Variants in LCORL observed in about 807,000 individuals in gnomAD.
The protein encoded by LCORL is ligand-dependent nuclear receptor corepressor-like protein.
In LCORL, 41 loss-of-function variants were observed where a neutral mutation model predicts 141.8. The ratio of observed to expected loss-of-function variants is 0.29; its 90% CI spans 0.23 to 0.38. LCORL has a LOEUF of 0.38. Among genes scored for constraint, LCORL ranks in the 10% least tolerant of loss-of-function variants. LCORL has a pLI of 1.00. For missense variants in LCORL, 1,759 were observed against 2,035.0 expected, an observed-to-expected ratio of 0.86 and a Z score of 2.61; for synonymous variants, 618 against 694.1, an observed-to-expected ratio of 0.89 and a Z score of 1.72.
chr4:18,007,059 C>A (rs1722940151), intron 1 of LCORL, among the ~76,000 whole-genome samples: 1 of 152,120 alleles, frequency 6.6e-6, no homozygotes, highest in Admixed American at 6.5e-5. Flanking sequence ...TCCACTACTA[C>A]CCTCAAAACT....
intron 1 of LCORL, among the ~76,000 whole-genome samples, chr4:18,019,541 A>G (rs980913917): frequency 2.0e-5 from 3 of 152,252 alleles, no homozygotes; most frequent in Non-Finnish European, 4.4e-5. Flanking sequence ...TGAATATACA[A>G]GTAGGTAAGG....
At chr4:17,845,780 T>C (rs761259255) in exon 8 of LCORL, 1 of 1,613,680 alleles carries the variant, frequency 6.2e-7, no homozygotes, top group Non-Finnish European at 8.5e-7. Context: ...AGAGATGCTG[T>C]TGTCAAATTC....
intron 2 of LCORL, among the ~76,000 whole-genome samples, chr4:17,970,368 A>T (rs994469115): frequency 1.3e-5 from 2 of 152,236 alleles, no homozygotes; most frequent in Non-Finnish European, 2.9e-5. Flanking sequence ...TTTATGTGGT[A>T]TTGCAATTAC....
rs138491225 is a variant in LCORL at position 17,900,247 on chromosome 4, C to T, written c.682+8847G>A. ...AAAATCCAGCTTATATATACTGTAACAATTTTATTTCTTCACATTCTATAA... is the reference window on the plus strand; with the variant it reads ...AAAATCCAGCTTATATATACTGTAATAATTTTATTTCTTCACATTCTATAA... On this transcript the variant is annotated intron_variant, in intron 5 of 7. Transcript: ENST00000635767. Among the ~76,000 whole-genome samples, 84 of 152,192 alleles carry T rather than the reference C, an allele frequency of 5.5e-4. No individual in the cohort carries two copies. In the East Asian group the frequency reaches 0.015, roughly 28 times the overall value.
chr4:17,904,159 ATC>A (rs779438676), intron 5 of LCORL, among the ~76,000 whole-genome samples: 8 of 152,068 alleles, frequency 5.3e-5, no homozygotes, highest in Non-Finnish European at 1.2e-4. Context: ...CTGAATTACC[ATC>A]TCTTATAATA....
At chr4:17,883,799 A>G (rs376910780) in intron 6 of LCORL, 14 of 1,550,472 alleles carry the variant, frequency 9.0e-6, no homozygotes, top group Non-Finnish European at 1.1e-5. Context: ...TGGTAATCGT[A>G]GTTTCTTCTT....
At position 17,876,187 on chromosome 4, in the gene LCORL, TC is replaced by T; in HGVS notation, c.2802del (p.Ile935PhefsTer44). ...GCTGGTACATTTTCAACACTGGAAA[TC>T]AAGCGACCCATATCTAAAATAGATG... On this transcript the variant is annotated frameshift_variant, in exon 7 of 8. Coordinates refer to ENST00000635767, the Ensembl canonical transcript of LCORL. LOFTEE classifies it high-confidence loss of function. 8.1e-7 allele frequency: 1 copy of T among 1,231,044 alleles called. No homozygotes were observed. Among genetic ancestry groups the T allele is most frequent in the Non-Finnish European group, 1.0e-6 (1 of 987,178 alleles). 76.3% of individuals were successfully genotyped at this position (1,231,044 alleles called of 1,614,324 possible).
intron 7 of LCORL, among the ~76,000 whole-genome samples, chr4:17,856,905 C>T (rs1014654712): frequency 7.2e-5 from 11 of 152,190 alleles, no homozygotes; most frequent in African/African-American, 2.7e-4. Context: ...ATTTCATTAA[C>T]ACAATTTATC....
At chr4:17,911,628 T>C in intron 4 of LCORL, 1 of 417,762 alleles carries the variant, frequency 2.4e-6, no homozygotes, top group South Asian at 2.1e-5. Context: ...AACTTGGTCG[T>C]TGGCAAAGTC....
chr4:17,976,359 A>C (rs1716968194), intron 1 of LCORL, among the ~76,000 whole-genome samples: 1 of 152,158 alleles, frequency 6.6e-6, no homozygotes. Flanking sequence ...ACATTATTTT[A>C]AGTTAAATGA....
intron 5 of LCORL, among the ~76,000 whole-genome samples, chr4:17,891,477 C>T (rs983573345): frequency 4.6e-5 from 7 of 151,684 alleles, no homozygotes; most frequent in African/African-American, 1.2e-4. Context: ...AAAGATATAC[C>T]GTAGATTGTA....
chr4:18,000,384 G>T (rs1165897934), intron 1 of LCORL, among the ~76,000 whole-genome samples: 1 of 152,084 alleles, frequency 6.6e-6, no homozygotes, highest in Non-Finnish European at 1.5e-5. Flanking sequence ...AACTTGGAGA[G>T]GCTAAGAAAG....
chr4:18,015,730 G>A (rs906811369), intron 1 of LCORL, among the ~76,000 whole-genome samples: 1 of 151,752 alleles, frequency 6.6e-6, no homozygotes, highest in Non-Finnish European at 1.5e-5. Flanking sequence ...ACAAGATGAG[G>A]GAGAAGTTAG....
chr4:17,957,814 A>G (rs1190831862), intron 4 of LCORL, among the ~76,000 whole-genome samples: 2 of 152,014 alleles, frequency 1.3e-5, no homozygotes, highest in Non-Finnish European at 2.9e-5. Flanking sequence ...TGAGAGTTCC[A>G]AAAGGGCAAC....
At chr4:17,925,856 G>C (rs1313311190) in intron 4 of LCORL, among the ~76,000 whole-genome samples, 1 of 128,738 alleles carries the variant, frequency 7.8e-6, no homozygotes, top group Non-Finnish European at 1.5e-5. Flanking sequence ...GGGTGACAGA[G>C]TGACAGAGTG....
chr4:17,868,439 T>C (rs1469833543), intron 7 of LCORL, among the ~76,000 whole-genome samples: 1 of 152,146 alleles, frequency 6.6e-6, no homozygotes, highest in Non-Finnish European at 1.5e-5. Flanking sequence ...CATTAGGTTA[T>C]TTGATTCTTA....
intron 4 of LCORL, among the ~76,000 whole-genome samples, chr4:17,955,398 T>C (rs1395522837): frequency 1.3e-5 from 2 of 152,140 alleles, no homozygotes; most frequent in Admixed American, 6.5e-5. Context: ...AAAGTGGAGA[T>C]GGCAAAAGTA....
intron 1 of LCORL, among the ~76,000 whole-genome samples, chr4:17,975,710 A>G (rs1716819072): frequency 6.6e-6 from 1 of 152,116 alleles, no homozygotes; most frequent in African/African-American, 2.4e-5. Context: ...ATTGAAATGT[A>G]CAAGATTCTT....
exon 8 of LCORL, chr4:17,845,752 T>C: frequency 1.2e-6 from 2 of 1,609,782 alleles, no homozygotes; most frequent in Non-Finnish European, 1.7e-6. Flanking sequence ...ATTTTGGTTA[T>C]GAACTGTACA....
Sources: gnomAD v4.1 joint callset for allele counts (sites outside exome capture counted in the v4.1 genomes callset) on GRCh38, gnomAD v4.1.1 for gene constraint, MANE v1.5 for transcripts, NCBI Gene and HGNC (gene_info 2026-07-23, HGNC 2026-07-21) for gene names.